CNTN5: variants seen among roughly 807,000 people sequenced by gnomAD.
CNTN5 encodes the protein contactin-5.
In CNTN5, 77 loss-of-function variants were observed where a neutral mutation model predicts 129.1. The observed-to-expected ratio is 0.60, with a 90% confidence interval of 0.50 to 0.72. The LOEUF (loss-of-function observed/expected upper bound fraction) is 0.72, where lower values mean the gene tolerates loss of function less well. Among genes scored for constraint, CNTN5 ranks in the 30% least tolerant of loss-of-function variants. The probability of loss-of-function intolerance (pLI) is 0.00; values close to 1 mark genes in which losing one functional copy is unlikely to be tolerated. For missense variants in CNTN5, 1,478 were observed against 1,328.8 expected (o/e 1.11, Z -1.75); for synonymous variants, 509 against 465.6 (o/e 1.09, Z -1.20).
chr11:99,795,769 C>G (rs925780894), intron 3 of CNTN5, among the ~76,000 whole-genome samples: 7 of 152,102 alleles, frequency 4.6e-5, no homozygotes, highest in Non-Finnish European at 7.4e-5. Context: ...AGACTCGGCT[C>G]AGGACTCCTG....
chr11:99,151,376 G>T (rs1016389233), intron 1 of CNTN5, among the ~76,000 whole-genome samples: 1 of 152,136 alleles, frequency 6.6e-6, no homozygotes, highest in Non-Finnish European at 1.5e-5. Context: ...TACTCAGACA[G>T]CTGTCTTCAT....
At chr11:99,438,186 T>C (rs1591057410) in intron 2 of CNTN5, among the ~76,000 whole-genome samples, 1 of 152,348 alleles carries the variant, frequency 6.6e-6, no homozygotes, top group East Asian at 1.9e-4. Flanking sequence ...ATTGAGTCAA[T>C]AAATACTTAA....
rs1235676362 is a variant in CNTN5 at position 100,357,131 on chromosome 11, T to C, written c.*911T>C. Reference sequence around the variant, plus strand: ...TTGAATTAGGTCCAAGGTTTTCTTCTAATTGCAAAATTTTGCAAAAATTTT... The same window carrying C: ...TTGAATTAGGTCCAAGGTTTTCTTCCAATTGCAAAATTTTGCAAAAATTTT... On this transcript the variant is annotated 3_prime_UTR_variant, in exon 25 of 25. Transcript: ENST00000524871. 2 of 151,750 alleles carry C rather than the reference T, an allele frequency of 1.3e-5. No individual in the cohort carries two copies. The highest frequency in any genetic ancestry group is 4.8e-5 in the African/African-American group (2 of 41,414). The allele number at this position is 151,750 out of a possible 1,614,324, so 9.4% of individuals were successfully genotyped here.
At position 99,736,658 on chromosome 11, in the gene CNTN5, T is replaced by A. The variant is rs542214446; in HGVS notation, c.56-82886T>A. ...ATACCAGTTAACCATGTATGTGAGA[T>A]CATAATTATCGAAGTGTGAAATTAA... On this transcript the variant is annotated intron_variant, in intron 3 of 24. Coordinates refer to ENST00000524871, the MANE Select transcript of CNTN5 (RefSeq NM_014361.4). Among the ~76,000 whole-genome samples the A allele has an allele frequency of 6.6e-5, 10 of 152,304 alleles. No homozygotes were observed. In the South Asian group the frequency reaches 1.9e-3, roughly 28 times the overall value.
intron 3 of CNTN5, among the ~76,000 whole-genome samples, chr11:99,691,080 A>G (rs138180142): frequency 2.5e-4 from 38 of 151,000 alleles, no homozygotes; most frequent in African/African-American, 8.7e-4. Context: ...GACTTTTGGT[A>G]TTTCTGTGAG....
At chr11:99,663,564 G>A (rs550230749) in intron 3 of CNTN5, among the ~76,000 whole-genome samples, 7 of 152,246 alleles carry the variant, frequency 4.6e-5, no homozygotes, top group African/African-American at 7.2e-5. Context: ...GTCCCCATCC[G>A]AACCTCATCT....
chr11:99,317,880 AG>A (rs1334372016), intron 1 of CNTN5, among the ~76,000 whole-genome samples: 3 of 152,146 alleles, frequency 2.0e-5, no homozygotes, highest in African/African-American at 7.2e-5. Context: ...ATAGCAGATG[AG>A]TTTTTTACAA....
rs545699271 is a variant in CNTN5 at position 99,898,631 on chromosome 11, T to G, written c.578-17423T>G. Among the ~76,000 whole-genome samples the G allele has an allele frequency of 5.9e-5, 9 of 152,186 alleles. No individual in the cohort carries two copies. The South Asian group carries it at 1.9e-3, about 32-fold the overall frequency. ...AATTTGCCTTTTGAAGAACACTAAT[T>G]GTTTTCATTCATTTTGTTATTTAAA... On this transcript the variant is annotated intron_variant, in intron 6 of 24. Coordinates refer to ENST00000524871, the MANE Select transcript of CNTN5 (RefSeq NM_014361.4).
At chr11:100,037,317 C>A (rs1942078597) in intron 9 of CNTN5, among the ~76,000 whole-genome samples, 1 of 151,754 alleles carries the variant, frequency 6.6e-6, no homozygotes, top group Non-Finnish European at 1.5e-5. Context: ...AGGGATGAAG[C>A]CCACTTGATC....
At chr11:99,999,336 A>T (rs1419306962) in intron 8 of CNTN5, among the ~76,000 whole-genome samples, 2 of 152,216 alleles carry the variant, frequency 1.3e-5, no homozygotes, top group Non-Finnish European at 2.9e-5. Flanking sequence ...CCCATCAAAA[A>T]GTGGGCGAAG....
chr11:99,329,953 ACAC>A, intron 2 of CNTN5, among the ~76,000 whole-genome samples: 3 of 128,202 alleles, frequency 2.3e-5, no homozygotes, highest in African/African-American at 5.7e-5. Context: ...ACACACACAC[ACAC>A]AATCCCTTAT....
At chr11:99,846,357 C>CAAAAA (rs35705639) in intron 6 of CNTN5, among the ~76,000 whole-genome samples, 141 of 61,158 alleles carry the variant, frequency 2.3e-3, no homozygotes, top group East Asian at 7.6e-3. Context: ...GGATCTGTCT[C>CAAAAA]AAAAAAAAAA....
At chr11:99,073,736 T>G (rs2135257547) in intron 1 of CNTN5, among the ~76,000 whole-genome samples, 1 of 152,312 alleles carries the variant, frequency 6.6e-6, no homozygotes, top group South Asian at 2.1e-4. Context: ...AACTCATTTT[T>G]TATGGCTGCA....
intron 12 of CNTN5, 73 bp from the exon 13 acceptor site, chr11:100,074,071 G>A (rs2137887581): frequency 7.3e-7 from 1 of 1,373,236 alleles, no homozygotes; most frequent in Non-Finnish European, 1.0e-6. Context: ...AAAGTTACAA[G>A]ATCTTCATGA....
At chr11:100,087,211 GATAA>G (rs1028279719) in intron 13 of CNTN5, among the ~76,000 whole-genome samples, 7 of 151,244 alleles carry the variant, frequency 4.6e-5, no homozygotes, top group Non-Finnish European at 1.0e-4. Flanking sequence ...ATAAAAACAT[GATAA>G]ATAATTAAAT....
chr11:99,727,990 A>G (rs1943410112), intron 3 of CNTN5, among the ~76,000 whole-genome samples: 1 of 151,960 alleles, frequency 6.6e-6, no homozygotes. Flanking sequence ...CTTAACCACT[A>G]TGGTAATTCG....
intron 6 of CNTN5, among the ~76,000 whole-genome samples, chr11:99,901,645 C>G (rs1032871606): frequency 1.3e-5 from 2 of 152,018 alleles, no homozygotes; most frequent in African/African-American, 4.8e-5. Flanking sequence ...TTTTCTAAAT[C>G]TAAATTCAGC....
chr11:99,516,533 A>G (rs2135425810), intron 2 of CNTN5, among the ~76,000 whole-genome samples: 1 of 152,250 alleles, frequency 6.6e-6, no homozygotes, highest in East Asian at 1.9e-4. Flanking sequence ...TAATGCACAC[A>G]TCCACACACA....
chr11:99,835,299 G>T (rs1947267092), intron 4 of CNTN5, among the ~76,000 whole-genome samples: 1 of 152,144 alleles, frequency 6.6e-6, no homozygotes, highest in African/African-American at 2.4e-5. Flanking sequence ...AGTGAAAAAA[G>T]GAATGAATGA....
Sources: allele counts gnomAD v4.1 joint callset (sites outside exome capture counted in the v4.1 genomes callset), GRCh38; gene constraint gnomAD v4.1.1; transcripts MANE v1.5; gene names NCBI Gene and HGNC (gene_info 2026-07-23, HGNC 2026-07-21).